Variants in DLD observed in about 807,000 individuals in gnomAD.
DLD encodes the protein dihydrolipoyl dehydrogenase, mitochondrial.
In DLD, 36 loss-of-function variants were observed where a neutral mutation model predicts 62.2. The ratio of observed to expected loss-of-function variants is 0.58; its 90% CI spans 0.44 to 0.76. The LOEUF (loss-of-function observed/expected upper bound fraction) is 0.76. Among genes scored for constraint, DLD ranks in the 30% least tolerant of loss-of-function variants. DLD has a pLI of 0.00. For missense variants in DLD, 541 were observed against 608.6 expected (o/e 0.89, Z 1.17); for synonymous variants, 204 against 199.6 (o/e 1.02, Z -0.19).
At chr7:107,894,256 A>G (rs2031662121) in intron 2 of DLD, among the ~76,000 whole-genome samples, 1 of 152,262 alleles carries the variant, frequency 6.6e-6, no homozygotes, top group African/African-American at 2.4e-5. Flanking sequence ...CATATGGATT[A>G]TAAGTAACAT....
intron 8 of DLD, among the ~76,000 whole-genome samples, chr7:107,910,830 T>C (rs1017964112): frequency 3.3e-5 from 5 of 152,204 alleles, no homozygotes; most frequent in African/African-American, 9.6e-5. Context: ...TCAGTTTTCC[T>C]AAAGAGTAGG....
At chr7:107,898,584 A>G (rs886490050) in intron 2 of DLD, among the ~76,000 whole-genome samples, 1 of 145,874 alleles carries the variant, frequency 6.9e-6, no homozygotes, top group African/African-American at 2.5e-5. Flanking sequence ...CCTGGCCTGT[A>G]TCCTGATTTT....
intron 7 of DLD, 55 bp downstream of exon 7, chr7:107,905,559 T>G: frequency 6.4e-7 from 1 of 1,556,294 alleles, no homozygotes; most frequent in Admixed American, 1.7e-5. Context: ...AAATACGTTT[T>G]ATAAGTTATT....
chr7:107,912,199 GTA>G (rs1334781693), intron 8 of DLD, among the ~76,000 whole-genome samples: 3 of 151,982 alleles, frequency 2.0e-5, no homozygotes. Flanking sequence ...ATTCCATTGT[GTA>G]TATGTACCAC....
At chr7:107,896,234 G>A (rs553206485) in intron 2 of DLD, among the ~76,000 whole-genome samples, 15 of 152,290 alleles carry the variant, frequency 9.8e-5, no homozygotes, top group African/African-American at 2.9e-4. Flanking sequence ...TTAGCTTTGC[G>A]GTAGCACTGG....
In DLD at chr7:107,902,410, T is replaced by A. The variant is rs1159716506; in HGVS notation, c.267+17T>A. 1.9e-6 allele frequency: 3 copies of A among 1,612,178 alleles called. No individual in the cohort carries two copies. In the African/African-American group the frequency reaches 4.0e-5, roughly 21 times the overall value. On this transcript the variant is annotated intron_variant, in intron 4 of 13. Transcript: ENST00000205402. ...CCTTCTAAGGTGAGCATGTGTTTTG[T>A]ACAGCACAGAGATTGTTTTTGGCTA...
At chr7:107,917,050 A>G (rs1305525969) in intron 10 of DLD, 86 bp downstream of exon 10, 2 of 1,384,338 alleles carry the variant, frequency 1.4e-6, no homozygotes. Flanking sequence ...TATGCTTAAA[A>G]TATGTATTGG....
At position 107,917,380 on chromosome 7, in the gene DLD, A is replaced by T; in HGVS notation, c.1154A>T (p.Asp385Val). The change falls in exon 11 of 14, where the codon GAC becomes GTC. Residue 385 changes from aspartate to valine, a missense_variant. By Grantham distance (152) the Asp-to-Val change is radical. Coordinates refer to ENST00000205402, the MANE Select transcript of DLD (RefSeq NM_000108.5). ...ATGGCTGGTGGTGCTGTGCACATTG[A>T]CTACAATTGTGTGCCATCAGTGATT... is the stretch of plus-strand genomic sequence containing the variant. ...EGMAGGAVHIDYNCVPSVIYT... is the reference protein window; with the variant it reads ...EGMAGGAVHIVYNCVPSVIYT... 1 of 1,614,180 alleles carries T rather than the reference A, an allele frequency of 6.2e-7. No homozygotes were observed. Among genetic ancestry groups the T allele is most frequent in the South Asian group, 1.1e-5 (1 of 91,086 alleles).
chr7:107,898,532 C>T (rs1165514743), intron 2 of DLD, among the ~76,000 whole-genome samples: 10 of 151,848 alleles, frequency 6.6e-5, no homozygotes, highest in East Asian at 1.9e-4. Flanking sequence ...CCACCTGCCT[C>T]GGCCTCCCAA....
At chr7:107,901,136 C>T (rs1194840742) in intron 2 of DLD, among the ~76,000 whole-genome samples, 1 of 152,056 alleles carries the variant, frequency 6.6e-6, no homozygotes, top group Admixed American at 6.6e-5. Context: ...TTAAATATTA[C>T]ATAGAAGCTG....
Position 107,905,370 on chromosome 7 carries a change from G to A in DLD, c.448G>A (p.Val150Ile), listed in dbSNP as rs774295138. The stretch of plus-strand genomic sequence containing the variant: ...AGATTATTTTGTAAAGGTTGTTCAT[G>A]TCAATGGATATGGAAAGATAACTGG... ...HLFKQNKVVH[V>I]NGYGKITGKN... The change falls in exon 7 of 14, where the codon GTC (valine) becomes ATC (isoleucine). Residue 150 changes from valine to isoleucine, a missense_variant. Coordinates refer to ENST00000205402, the MANE Select transcript of DLD (RefSeq NM_000108.5). 2.5e-6 allele frequency: 4 copies of A among 1,613,248 alleles called. No homozygotes were observed. The East Asian group carries it at 8.9e-5, about 36-fold the overall frequency.
chr7:107,904,744 A>T, intron 5 of DLD: 1 of 631,374 alleles, frequency 1.6e-6, no homozygotes, highest in Non-Finnish European at 2.9e-6. Flanking sequence ...CTTTTTACCC[A>T]AGGTAGACAT....
At position 107,905,025 on chromosome 7, in the gene DLD, AG is replaced by A; in HGVS notation, c.407del (p.Gly136ValfsTer21). The A allele has an allele frequency of 6.2e-7, 1 of 1,612,924 alleles. No individual in the cohort carries two copies. Among genetic ancestry groups the A allele is most frequent in the Non-Finnish European group, 8.5e-7 (1 of 1,179,198 alleles). ...QKSTAVKALT[G>X]GIAHLFKQNK... ...AGAGTACTGCAGTAAAAGCTTTAAC[AG>A]GTGGAATTGCCCACTTATTCAAACA... On this transcript the variant is annotated frameshift_variant, in exon 6 of 14. Transcript: ENST00000205402. LOFTEE classifies it high-confidence loss of function.
At chr7:107,907,111 G>GCCATAC (rs1159109513) in intron 8 of DLD, among the ~76,000 whole-genome samples, 2 of 152,004 alleles carry the variant, frequency 1.3e-5, no homozygotes, top group Non-Finnish European at 2.9e-5. Context: ...CAGCTTAGAT[G>GCCATAC]CCATAGTCCA....
At chr7:107,894,512 T>C (rs73726758) in intron 2 of DLD, among the ~76,000 whole-genome samples, 1,745 of 152,348 alleles carry the variant, frequency 0.011, 33 homozygotes, top group African/African-American at 0.04. Flanking sequence ...AATGCTAATA[T>C]GATGATGAAG....
chr7:107,916,325 T>C (rs1292610949), intron 9 of DLD, among the ~76,000 whole-genome samples: 1 of 152,182 alleles, frequency 6.6e-6, no homozygotes, highest in Non-Finnish European at 1.5e-5. Context: ...ATGATAGATC[T>C]CTTTCATTGT....
chr7:107,901,846 A>G (rs1414921695), intron 3 of DLD, 29 bp downstream of exon 3: 1 of 1,565,260 alleles, frequency 6.4e-7, no homozygotes, highest in Admixed American at 1.7e-5. Flanking sequence ...CTAAGTATTG[A>G]TTTATTTTAA....
intron 8 of DLD, among the ~76,000 whole-genome samples, chr7:107,911,110 C>A (rs900428255): frequency 6.6e-6 from 1 of 152,144 alleles, no homozygotes; most frequent in Admixed American, 6.6e-5. Flanking sequence ...ACATTTTCAT[C>A]ACCCTAAAAG....
In DLD at chr7:107,917,005, T is replaced by C. The variant is rs548702870; in HGVS notation, c.1046+41T>C. On this transcript the variant is annotated intron_variant, in intron 10 of 13. Transcript: ENST00000205402. ...GTCTGCATTTTCAGTAATTTTAAAA[T>C]TGATTTCAAACAGTATTTTGAAAAG... 2.7e-4 allele frequency: 430 copies of C among 1,597,066 alleles called. 4 individuals are homozygous for C. In the South Asian group the frequency reaches 4.6e-3, roughly 17 times the overall value.
Sources: allele counts gnomAD v4.1 joint callset (sites outside exome capture counted in the v4.1 genomes callset), GRCh38; gene constraint gnomAD v4.1.1; transcripts MANE v1.5; gene names NCBI Gene and HGNC (gene_info 2026-07-23, HGNC 2026-07-21).